The following LTBP4 variants were observed in gnomAD, a reference collection of about 807,000 sequenced individuals.
The protein encoded by LTBP4 is latent-transforming growth factor beta-binding protein 4.
Under a neutral mutation model 180.2 loss-of-function variants are expected in LTBP4, and 93 were observed. The ratio of observed to expected loss-of-function variants is 0.52; its 90% CI spans 0.44 to 0.61. The LOEUF is 0.61. Among genes scored for constraint, LTBP4 ranks in the 20% least tolerant of loss-of-function variants. LTBP4 has a pLI of 0.00. For synonymous variants in LTBP4, 947 were observed against 934.5 expected, an observed-to-expected ratio of 1.01 and a Z score of -0.24; for missense variants, 2,116 against 2,256.5, an observed-to-expected ratio of 0.94 and a Z score of 1.26.
Position 40,613,828 on chromosome 19 carries a change from G to C in LTBP4, c.2558-88G>C, listed in dbSNP as rs757164549. On this transcript the variant is annotated intron_variant, in intron 17 of 29. Transcript: ENST00000396819. This position sits in a 1 kb window ranked among gnomAD's most constrained non-coding sequence, Gnocchi z 5.0. ...GGTTGGGGAAGGCGTGAGAGGCCTAGGAGAGCCGAGGGGCGGTGGAGGGGT... is the reference window on the plus strand; with the variant it reads ...GGTTGGGGAAGGCGTGAGAGGCCTACGAGAGCCGAGGGGCGGTGGAGGGGT... The C allele has an allele frequency of 3.5e-5, 55 of 1,580,588 alleles. No homozygotes were observed. Among genetic ancestry groups the C allele is most frequent in the Non-Finnish European group, 4.7e-5 (55 of 1,161,180 alleles).
chr19:40,618,107 A>G (rs1212805534), intron 21 of LTBP4, among the ~76,000 whole-genome samples: 1 of 151,356 alleles, frequency 6.6e-6, no homozygotes, highest in Non-Finnish European at 1.5e-5. Context: ...TCTGTTGCCC[A>G]GGCTGGAGTG....
At chr19:40,623,873 G>C in intron 25 of LTBP4, 63 bp from the exon 26 acceptor site, 1 of 1,604,028 alleles carries the variant, frequency 6.2e-7, no homozygotes, top group South Asian at 1.1e-5. Flanking sequence ...AATGTGCTGG[G>C]AAGAGAAATG....
In LTBP4 at chr19:40,629,332, G is replaced by A. The variant is rs920871050; in HGVS notation, c.4520-64G>A. 3.8e-5 allele frequency: 61 copies of A among 1,603,116 alleles called. No individual in the cohort carries two copies. Among genetic ancestry groups the A allele is most frequent in the Non-Finnish European group, 4.9e-5 (58 of 1,172,286 alleles). ...TGCTCCTCTGTTCCAAGAACTTAAG[G>A]GGCCAAGGAGGCGAGCTTCTGGGGC... On this transcript the variant is annotated intron_variant, in intron 29 of 29. Coordinates refer to ENST00000396819, the MANE Select transcript of LTBP4 (RefSeq NM_001042545.2). This position sits in a 1 kb window ranked among gnomAD's most constrained non-coding sequence, Gnocchi z 4.5.
In LTBP4 at chr19:40,605,229, G is replaced by A; in HGVS notation, c.442+3G>A. The stretch of plus-strand genomic sequence containing the variant: ...CAACCACCGCGACGACGAGCACGGT[G>A]AGGAAAGGGTGGCCAGAGTCCCCTC... On this transcript the variant is annotated splice_donor_region_variant and intron_variant, in intron 2 of 29. Transcript: ENST00000396819. The surrounding 1 kb of genome is among the most constrained non-coding windows in gnomAD (Gnocchi z 5.5). 6.3e-7 allele frequency: 1 copy of A among 1,586,816 alleles called. No individual in the cohort carries two copies. Among genetic ancestry groups the A allele is most frequent in the South Asian group, 1.1e-5 (1 of 88,122 alleles).
At position 40,614,331 on chromosome 19, in the gene LTBP4, C is replaced by A. The variant is rs1448345177; in HGVS notation, c.2697C>A (p.Arg899=). The part of the protein sequence containing the change: ...LASCLDVDEC[R]ERGPALCGSQ... Reference sequence around the variant, plus strand: ...TCTCCTCAGACGTGGACGAATGTCGCGAGCGAGGCCCAGCCCTGTGCGGGT... The same window carrying A: ...TCTCCTCAGACGTGGACGAATGTCGAGAGCGAGGCCCAGCCCTGTGCGGGT... The change falls in exon 19 of 30, where the codon CGC becomes CGA. Residue 899 remains arginine, a synonymous_variant. Transcript: ENST00000396819. 1 of 1,599,528 alleles carries A rather than the reference C, an allele frequency of 6.3e-7. No homozygotes were observed. The highest frequency in any genetic ancestry group is 1.7e-4 in the Middle Eastern group (1 of 6,056).
Position 40,608,211 on chromosome 19 carries a change from TATTCCCAGAGG to T in LTBP4, c.1157-8_1159del. 1 of 1,613,826 alleles carries T rather than the reference TATTCCCAGAGG, an allele frequency of 6.2e-7. No individual in the cohort carries two copies. Among genetic ancestry groups the T allele is most frequent in the Non-Finnish European group, 8.5e-7 (1 of 1,179,836 alleles). On this transcript the variant is annotated splice_acceptor_variant and splice_polypyrimidine_tract_variant and coding_sequence_variant and intron_variant, in exon 8 of 30. Coordinates refer to ENST00000396819, the MANE Select transcript of LTBP4 (RefSeq NM_001042545.2). LOFTEE classifies it high-confidence loss of function. ...TTGTCCTCTCTCTGTCTCTCTTACC[TATTCCCAGAGG>T]GTTTCCGGGAGATCTGCCCGGCTGG... is the stretch of plus-strand genomic sequence containing the variant.
chr19:40,595,192 T>C (rs2081383872), intron 1 of LTBP4, among the ~76,000 whole-genome samples: 1 of 151,998 alleles, frequency 6.6e-6, no homozygotes, highest in African/African-American at 2.4e-5. Flanking sequence ...GGAAAGGGTG[T>C]GGCCTGAAAC....
chr19:40,627,396 G>A, intron 28 of LTBP4, 41 bp downstream of exon 28: 1 of 1,463,896 alleles, frequency 6.8e-7, no homozygotes, highest in Non-Finnish European at 9.0e-7. Context: ...GATGAGGGGT[G>A]AGGTGTGCAC....
At chr19:40,593,908 C>G (rs1428664016) in intron 1 of LTBP4, among the ~76,000 whole-genome samples, 1 of 152,086 alleles carries the variant, frequency 6.6e-6, no homozygotes, top group Non-Finnish European at 1.5e-5. Context: ...ATCCTCCCAC[C>G]TTAGCCTCTT....
chr19:40,626,085 C>A, intron 27 of LTBP4, 76 bp downstream of exon 27: 2 of 1,460,260 alleles, frequency 1.4e-6, no homozygotes, highest in South Asian at 1.3e-5. Context: ...GATCCCCAGT[C>A]GCAGAACCCC....
At chr19:40,617,354 C>T (rs1189705788) in intron 21 of LTBP4, 129 bp downstream of exon 21, 6 of 1,278,134 alleles carry the variant, frequency 4.7e-6, no homozygotes, top group Non-Finnish European at 5.3e-6. Context: ...AATATAAGAT[C>T]ATCTTCATGC....
At chr19:40,614,797 T>C (rs2081535433) in intron 19 of LTBP4, among the ~76,000 whole-genome samples, 1 of 152,072 alleles carries the variant, frequency 6.6e-6, no homozygotes, top group Non-Finnish European at 1.5e-5. Flanking sequence ...CTTCTCTTCC[T>C]AACAGAAGTT....
rs1188245477 is a variant in LTBP4 at position 40,601,597 on chromosome 19, T to G, written c.210T>G (p.Ala70=). The part of the protein sequence containing the change: ...PRNATSVDSG[A]PGGAAPGGPG... ...ACGCCACCAGCGTGGACAGCGGCGC[T>G]CCCGGCGGGGCGGCCCCGGGGGGAC... Residue 70 remains alanine (A), a synonymous_variant, in exon 1 of 30, where the codon GCT becomes GCG. Transcript: ENST00000396819. 28 of 1,413,180 alleles carry G rather than the reference T, an allele frequency of 2.0e-5. No homozygotes were observed. The highest frequency in any genetic ancestry group is 2.4e-5 in the Non-Finnish European group (26 of 1,092,020). The allele number at this position is 1,413,180 out of a possible 1,614,324, so 87.5% of individuals were successfully genotyped here.
chr19:40,605,328 C>G lies in LTBP4; in HGVS notation c.443-77C>G. 1 of 1,584,038 alleles carries G rather than the reference C, an allele frequency of 6.3e-7. No homozygotes were observed. Among genetic ancestry groups the G allele is most frequent in the Admixed American group, 1.8e-5 (1 of 56,330 alleles). On this transcript the variant is annotated intron_variant, in intron 2 of 29. Coordinates refer to ENST00000396819, the MANE Select transcript of LTBP4 (RefSeq NM_001042545.2). The surrounding 1 kb of genome is among the most constrained non-coding windows in gnomAD (Gnocchi z 5.5). ...CCTTCCCGAGCACCTTTGCCCAGCT[C>G]GCCCTCCCCGCCTTGTCTAGCCCCA...
At chr19:40,597,222 G>A, upstream of LTBP4, 1 of 1,468,734 alleles carries the variant, frequency 6.8e-7, no homozygotes, top group Non-Finnish European at 9.0e-7. Context: ...AGCGGGACTC[G>A]GCGCCCGACA....
chr19:40,612,663 G>A (rs1243106683), intron 15 of LTBP4, among the ~76,000 whole-genome samples: 2 of 152,120 alleles, frequency 1.3e-5, no homozygotes, highest in East Asian at 3.8e-4. Flanking sequence ...CCTGACTTGA[G>A]GCAGAATTCT....
At chr19:40,599,865 T>G (rs2081411601), upstream of LTBP4, 5 of 506,158 alleles carry the variant, frequency 9.9e-6, no homozygotes, top group Non-Finnish European at 1.7e-5. Context: ...CTTCTCTCTT[T>G]CTCTCCCCCA....
In LTBP4 at chr19:40,613,270, TG is replaced by T. The variant is rs2081521112; in HGVS notation, c.2431+76del. ...TCCAGGGCAAAGCCGGCTGGAAAGG[TG>T]GAGGCGGGACCAAGGCGCTGTGGGA... On this transcript the variant is annotated intron_variant, in intron 16 of 29. Coordinates refer to ENST00000396819, the MANE Select transcript of LTBP4 (RefSeq NM_001042545.2). The surrounding 1 kb of genome is among the most constrained non-coding windows in gnomAD (Gnocchi z 5.0). 6.5e-7 allele frequency: 1 copy of T among 1,541,558 alleles called. No individual in the cohort carries two copies. Among genetic ancestry groups the T allele is most frequent in the African/African-American group, 1.4e-5 (1 of 72,720 alleles).
rs575805451 is a variant in LTBP4, at chr19:40,622,212, T to C, written c.3218-189T>C. Among the ~76,000 whole-genome samples the C allele has an allele frequency of 3.9e-5, 6 of 152,150 alleles. No individual in the cohort carries two copies. The South Asian group carries it at 1.0e-3, about 26-fold the overall frequency. ...GGTGGGGAGGCAAGAGATGCAGAAA[T>C]GACAGGAGGTGACAGTGGGAGAAAG... On this transcript the variant is annotated intron_variant, in intron 22 of 29. Coordinates refer to ENST00000396819, the MANE Select transcript of LTBP4 (RefSeq NM_001042545.2). This position sits in a 1 kb window ranked among gnomAD's most constrained non-coding sequence, Gnocchi z 5.1.
Sources: allele counts gnomAD v4.1 joint callset (sites outside exome capture counted in the v4.1 genomes callset), GRCh38; gene constraint gnomAD v4.1.1; non-coding constraint Gnocchi (gnomAD v3.1); transcripts MANE v1.5; gene names NCBI Gene and HGNC (gene_info 2026-07-23, HGNC 2026-07-21).